Variants in ZBTB20 observed in about 807,000 individuals in gnomAD.
ZBTB20 encodes zinc finger and BTB domain containing 20.
In ZBTB20, 9 loss-of-function variants were observed where a neutral mutation model predicts 56.9. That is an observed-to-expected ratio of 0.16 (90% CI 0.10 to 0.28). The LOEUF is 0.28. Ranked by LOEUF, ZBTB20 falls within the 10% of genes least tolerant of loss-of-function variation. ZBTB20 has a pLI of 1.00. For missense variants in ZBTB20, 655 were observed against 1,003.0 expected (o/e 0.65, Z 4.69); for synonymous variants, 417 against 420.7 (o/e 0.99, Z 0.11).
chr3:114,421,946 G>C (rs1201876687), intron 7 of ZBTB20, among the ~76,000 whole-genome samples: 4 of 151,790 alleles, frequency 2.6e-5, no homozygotes, highest in South Asian at 2.1e-4. Context: ...CTGTATCTTA[G>C]TGCAATCTCC....
At chr3:114,839,535 A>C (rs990924725) in intron 4 of ZBTB20, among the ~76,000 whole-genome samples, 1 of 152,242 alleles carries the variant, frequency 6.6e-6, no homozygotes, top group Non-Finnish European at 1.5e-5. Context: ...TCTATAATAG[A>C]GGAATCTCTC....
chr3:114,469,200 G>A (rs1412983095), intron 7 of ZBTB20, among the ~76,000 whole-genome samples: 2 of 151,940 alleles, frequency 1.3e-5, no homozygotes, highest in African/African-American at 2.4e-5. Context: ...AGGGCAAGAC[G>A]GTGTTTGGAA....
At chr3:114,942,769 CA>C (rs2076763037) in intron 3 of ZBTB20, among the ~76,000 whole-genome samples, 2 of 145,712 alleles carry the variant, frequency 1.4e-5, no homozygotes, top group Non-Finnish European at 3.0e-5. Flanking sequence ...TTTTCAAATT[CA>C]AGGCATTTGC....
At chr3:115,019,405 T>A (rs1227133761) in intron 2 of ZBTB20, among the ~76,000 whole-genome samples, 1 of 151,308 alleles carries the variant, frequency 6.6e-6, no homozygotes, top group Non-Finnish European at 1.5e-5. Flanking sequence ...AACAAAAGTA[T>A]GTGATGCAGG....
chr3:114,472,766 C>A (rs2040287374), intron 7 of ZBTB20, among the ~76,000 whole-genome samples: 1 of 151,776 alleles, frequency 6.6e-6, no homozygotes, highest in Non-Finnish European at 1.5e-5. Flanking sequence ...TGGCCCAATA[C>A]AGCATGCTGT....
intron 7 of ZBTB20, among the ~76,000 whole-genome samples, chr3:114,463,829 G>A (rs374838359): frequency 3.3e-5 from 5 of 152,194 alleles, no homozygotes; most frequent in African/African-American, 1.2e-4. Flanking sequence ...TTGAATTCAT[G>A]TGAAGAGCTC....
chr3:114,862,405 GT>G (rs11362876), intron 4 of ZBTB20, among the ~76,000 whole-genome samples: 52,906 of 146,266 alleles, frequency 0.36, 11,478 homozygotes, highest in Non-Finnish European at 0.51. Context: ...AATGGCATCT[GT>G]TTTTTTTTTT....
chr3:115,007,233 C>A (rs1247774989), intron 2 of ZBTB20, among the ~76,000 whole-genome samples: 1 of 151,524 alleles, frequency 6.6e-6, no homozygotes, highest in African/African-American at 2.4e-5. Context: ...AGTGAAATAT[C>A]CTTTATGACT....
At chr3:114,344,344 A>G (rs1355814771) in intron 11 of ZBTB20, among the ~76,000 whole-genome samples, 1 of 152,218 alleles carries the variant, frequency 6.6e-6, no homozygotes, top group Non-Finnish European at 1.5e-5. Context: ...CCAAGTAGAG[A>G]GTTGTACTAA....
chr3:114,398,906 A>C (rs886180311), intron 7 of ZBTB20, among the ~76,000 whole-genome samples: 2 of 152,164 alleles, frequency 1.3e-5, no homozygotes, highest in African/African-American at 4.8e-5. Context: ...ACATTGGTGA[A>C]TTCAAGGCAG....
intron 2 of ZBTB20, among the ~76,000 whole-genome samples, chr3:115,064,984 G>A (rs1204857525): frequency 6.6e-6 from 1 of 151,972 alleles, no homozygotes; most frequent in East Asian, 1.9e-4. Flanking sequence ...GGAACCTTTG[G>A]GGCTGAAAAA....
intron 4 of ZBTB20, among the ~76,000 whole-genome samples, chr3:114,865,272 T>C (rs1042371154): frequency 3.3e-5 from 5 of 152,106 alleles, no homozygotes; most frequent in African/African-American, 1.2e-4. Context: ...AACAAACACA[T>C]TTGTCTAAAA....
At chr3:115,073,818 C>T (rs1436787666) in intron 1 of ZBTB20, among the ~76,000 whole-genome samples, 4 of 87,824 alleles carry the variant, frequency 4.6e-5, no homozygotes, top group Admixed American at 4.3e-4. Flanking sequence ...ATTTTAAATT[C>T]AAACTTAATT....
chr3:114,748,426 T>C lies in ZBTB20; in HGVS notation c.-343+52675A>G, dbSNP rs186029824. Reference sequence around the variant, plus strand: ...TAGCTTCCTCTTTCTCTCTCTCTCTTTCTCTTTCTTTCTAGCTAAAATTTC... The same window carrying C: ...TAGCTTCCTCTTTCTCTCTCTCTCTCTCTCTTTCTTTCTAGCTAAAATTTC... On this transcript the variant is annotated intron_variant, in intron 5 of 11. Coordinates refer to ENST00000675478, the MANE Select transcript of ZBTB20 (RefSeq NM_001348800.3). Among the ~76,000 whole-genome samples, 136 of 147,238 alleles carry C rather than the reference T, an allele frequency of 9.2e-4. No individual in the cohort carries two copies. The East Asian group carries it at 0.025, about 27-fold the overall frequency.
chr3:114,950,368 G>A (rs766223302), intron 3 of ZBTB20, among the ~76,000 whole-genome samples: 9 of 151,998 alleles, frequency 5.9e-5, no homozygotes, highest in Admixed American at 1.3e-4. Context: ...AACAATTCTA[G>A]CACTATACTG....
chr3:114,710,016 G>T (rs1047946607), intron 5 of ZBTB20, among the ~76,000 whole-genome samples: 2 of 151,966 alleles, frequency 1.3e-5, no homozygotes, highest in African/African-American at 4.8e-5. Context: ...AATTCACATT[G>T]ATTTTTCCTA....
At chr3:114,477,482 C>A (rs2040920013) in intron 7 of ZBTB20, among the ~76,000 whole-genome samples, 1 of 151,146 alleles carries the variant, frequency 6.6e-6, no homozygotes, top group Non-Finnish European at 1.5e-5. Context: ...GACCTTTGTT[C>A]CCTGCACTTT....
intron 1 of ZBTB20, among the ~76,000 whole-genome samples, chr3:115,079,333 C>A (rs560593726): frequency 1.3e-5 from 2 of 152,234 alleles, no homozygotes; most frequent in East Asian, 1.9e-4. Flanking sequence ...CGCATAGCTA[C>A]AAAATATCAT....
At chr3:114,880,161 G>T (rs925326832) in intron 4 of ZBTB20, among the ~76,000 whole-genome samples, 1 of 152,114 alleles carries the variant, frequency 6.6e-6, no homozygotes, top group African/African-American at 2.4e-5. Context: ...AAGTGGTCTC[G>T]ATCACTGAAT....
Sources: allele counts gnomAD v4.1 joint callset (sites outside exome capture counted in the v4.1 genomes callset), GRCh38; gene constraint gnomAD v4.1.1; transcripts MANE v1.5; gene names NCBI Gene and HGNC (gene_info 2026-07-23, HGNC 2026-07-21).